NDST3: variants seen among roughly 807,000 people sequenced by gnomAD.
The protein encoded by NDST3 is bifunctional heparan sulfate N-deacetylase/N-sulfotransferase 3.
Under a neutral mutation model 96.1 loss-of-function variants are expected in NDST3, and 58 were observed. The ratio of observed to expected loss-of-function variants is 0.60; its 90% CI spans 0.49 to 0.75. The LOEUF (loss-of-function observed/expected upper bound fraction) is 0.75. NDST3 is among the 30% of genes least tolerant of loss of function. NDST3 has a pLI of 0.00. For synonymous variants in NDST3, 333 were observed against 359.7 expected, an observed-to-expected ratio of 0.93 and a Z score of 0.84; for missense variants, 788 against 1,034.2, an observed-to-expected ratio of 0.76 and a Z score of 3.27.
intron 2 of NDST3, among the ~76,000 whole-genome samples, chr4:118,099,337 C>A (rs1334712879): frequency 2.0e-5 from 3 of 152,112 alleles, no homozygotes. Context: ...GGCAATTTAA[C>A]AAGAGCGAAG....
At chr4:118,101,114 T>G (rs1197524195) in intron 2 of NDST3, among the ~76,000 whole-genome samples, 2 of 152,034 alleles carry the variant, frequency 1.3e-5, no homozygotes, top group Admixed American at 6.6e-5. Flanking sequence ...TATCAAGACA[T>G]TCCACCAAGA....
At chr4:118,196,436 T>A (rs767629541) in intron 6 of NDST3, among the ~76,000 whole-genome samples, 1 of 152,198 alleles carries the variant, frequency 6.6e-6, no homozygotes, top group African/African-American at 2.4e-5. Context: ...AGTTATTTTT[T>A]AAATGTTTAG....
chr4:118,253,713 A>T (rs1462342627), intron 13 of NDST3, 112 bp downstream of exon 13: 2 of 711,382 alleles, frequency 2.8e-6, no homozygotes, highest in African/African-American at 3.5e-5. Flanking sequence ...CTAAAAATTA[A>T]AAGTGCCATT....
rs1725233433 is a variant in NDST3 at position 118,053,752 on chromosome 4, T to C, written c.-155-4T>C. ...ACTGTTTTATATTCTTTTCTATTTT[T>C]CAGACTGTATTTTCTGTGAGTCCTG... On this transcript the variant is annotated splice_polypyrimidine_tract_variant and splice_region_variant and intron_variant, in intron 1 of 13. Coordinates refer to ENST00000296499, the MANE Select transcript of NDST3 (RefSeq NM_004784.3). 1.4e-6 allele frequency: 1 copy of C among 722,144 alleles called. No homozygotes were observed. The highest frequency in any genetic ancestry group is 2.8e-5 in the East Asian group (1 of 35,758). The allele number at this position is 722,144 out of a possible 1,614,324, so 44.7% of individuals were successfully genotyped here.
intron 6 of NDST3, among the ~76,000 whole-genome samples, chr4:118,207,791 G>A (rs1379698479): frequency 2.1e-5 from 3 of 144,070 alleles, no homozygotes; most frequent in South Asian, 4.7e-4. Flanking sequence ...TAACATATCC[G>A]AGGCTTGCCT....
chr4:118,186,895 G>A lies in NDST3; in HGVS notation c.1540-37596G>A, dbSNP rs867121982. On this transcript the variant is annotated intron_variant, in intron 6 of 13. Coordinates refer to ENST00000296499, the MANE Select transcript of NDST3 (RefSeq NM_004784.3). ...ATTTCTTTAAGCTTTTGTCATTACA[G>A]TTCAGGAGAGACCATTTGACATTCT... Among the ~76,000 whole-genome samples the A allele has an allele frequency of 6.0e-4, 92 of 152,148 alleles. 5 individuals carry two copies. Among genetic ancestry groups the A allele is most frequent in the Non-Finnish European group, 1.5e-5 (1 of 68,028 alleles).
chr4:118,124,269 C>T (rs2125878326), intron 4 of NDST3, among the ~76,000 whole-genome samples: 2 of 152,122 alleles, frequency 1.3e-5, no homozygotes, highest in South Asian at 4.1e-4. Flanking sequence ...CTGAAATAAG[C>T]ACTCTGAATT....
chr4:118,178,496 C>T (rs988357797), intron 6 of NDST3, among the ~76,000 whole-genome samples: 1 of 151,952 alleles, frequency 6.6e-6, no homozygotes. Context: ...TTGATGTTAT[C>T]GCATGTGTCA....
chr4:118,165,982 T>C (rs991609502), intron 6 of NDST3, among the ~76,000 whole-genome samples: 1 of 151,198 alleles, frequency 6.6e-6, no homozygotes, highest in Non-Finnish European at 1.5e-5. Context: ...AAATAAATAG[T>C]TTAATTCTAC....
At chr4:118,139,807 T>G (rs1560672060) in intron 5 of NDST3, among the ~76,000 whole-genome samples, 1 of 152,184 alleles carries the variant, frequency 6.6e-6, no homozygotes, top group Non-Finnish European at 1.5e-5. Context: ...AGTGTCTATA[T>G]TTCATCAATA....
At chr4:118,066,267 ATATATAT>A (rs1477843395) in intron 2 of NDST3, among the ~76,000 whole-genome samples, 15 of 13,978 alleles carry the variant, frequency 1.1e-3, no homozygotes, top group East Asian at 1.7e-3. Context: ...TATATATATT[ATATATAT>A]TATATATTAT....
rs146362187 is a variant in NDST3 at position 118,252,291 on chromosome 4, C to T, written c.2400-1208C>T. Among the ~76,000 whole-genome samples the T allele has an allele frequency of 5.1e-3, 782 of 151,966 alleles. 5 individuals carry two copies. Among genetic ancestry groups the T allele is most frequent in the African/African-American group, 0.018 (742 of 41,462 alleles). On this transcript the variant is annotated intron_variant, in intron 12 of 13. Coordinates refer to ENST00000296499, the MANE Select transcript of NDST3 (RefSeq NM_004784.3). ...TGGAGACCAGTAAAAAAGAAAAGGC[C>T]CTAAACCGAAAATCAGCAGGCCTAG...
chr4:118,192,688 C>G (rs1306486572), intron 6 of NDST3, among the ~76,000 whole-genome samples: 1 of 150,188 alleles, frequency 6.7e-6, no homozygotes, highest in African/African-American at 2.4e-5. Context: ...TACTACAGAT[C>G]TGTAGTATAA....
intron 9 of NDST3, among the ~76,000 whole-genome samples, chr4:118,233,998 T>G (rs1239969319): frequency 1.3e-5 from 2 of 152,232 alleles, no homozygotes; most frequent in African/African-American, 4.8e-5. Flanking sequence ...GAGTATAATT[T>G]GAGCACCTAC....
chr4:118,067,200 T>G (rs1247952281), intron 2 of NDST3, among the ~76,000 whole-genome samples: 1 of 151,774 alleles, frequency 6.6e-6, no homozygotes, highest in African/African-American at 2.4e-5. Flanking sequence ...TGTATAACAT[T>G]TAACAAAAAT....
At chr4:118,205,832 CTTTTT>C (rs56843725) in intron 6 of NDST3, among the ~76,000 whole-genome samples, 2 of 95,462 alleles carry the variant, frequency 2.1e-5, no homozygotes, top group Non-Finnish European at 2.4e-5. Flanking sequence ...ATCGGGCTTT[CTTTTT>C]TTTTTTTTTT....
chr4:118,061,442 G>A (rs942041706), intron 2 of NDST3, among the ~76,000 whole-genome samples: 1 of 152,106 alleles, frequency 6.6e-6, no homozygotes, highest in Non-Finnish European at 1.5e-5. Context: ...GGTCAATTTT[G>A]TGCATCTCCT....
chr4:118,041,583 C>T (rs745475092), intron 1 of NDST3, among the ~76,000 whole-genome samples: 5 of 152,164 alleles, frequency 3.3e-5, no homozygotes, highest in Non-Finnish European at 5.9e-5. Flanking sequence ...CAGAATTCAA[C>T]CACAACTGTC....
chr4:118,258,223 CGCTA>C lies in NDST3; in HGVS notation c.*2517_*2520del, dbSNP rs1442188347. 6.6e-6 allele frequency: 1 copy of C among 152,186 alleles called. No homozygotes were observed. Among genetic ancestry groups the C allele is most frequent in the Non-Finnish European group, 1.5e-5 (1 of 68,030 alleles). 9.4% of individuals were successfully genotyped at this position (152,186 alleles called of 1,614,324 possible). A position where few individuals can be genotyped will look rare whatever the true frequency, so the allele number is the denominator to read the frequency against. On this transcript the variant is annotated 3_prime_UTR_variant, in exon 14 of 14. Coordinates refer to ENST00000296499, the MANE Select transcript of NDST3 (RefSeq NM_004784.3). ...TATTCATTCACAAGTACATGTATTACGCTAGCTAGAGCAGCAAACCTGTGAAAGG... is the reference window on the plus strand; with the variant it reads ...TATTCATTCACAAGTACATGTATTACGCTAGAGCAGCAAACCTGTGAAAGG...
Sources: gnomAD v4.1 joint callset for allele counts (sites outside exome capture counted in the v4.1 genomes callset) on GRCh38, gnomAD v4.1.1 for gene constraint, MANE v1.5 for transcripts, NCBI Gene and HGNC (gene_info 2026-07-23, HGNC 2026-07-21) for gene names.